The following DNAH5 variants were observed in gnomAD, a reference collection of about 807,000 sequenced individuals.
DNAH5 encodes dynein axonemal heavy chain 5.
A neutral mutation model predicts 518.2 loss-of-function variants in DNAH5; 372 were observed. The ratio of observed to expected loss-of-function variants is 0.72; its 90% CI spans 0.66 to 0.78. The LOEUF is 0.78. Ranked by LOEUF, DNAH5 falls within the 30% of genes least tolerant of loss-of-function variation. The pLI is 0.00. For synonymous variants in DNAH5, 2,039 were observed against 2,025.9 expected, an observed-to-expected ratio of 1.01 and a Z score of -0.17; for missense variants, 5,523 against 5,687.0, an observed-to-expected ratio of 0.97 and a Z score of 0.93.
chr5:13,810,839 A>T (rs1337916003), intron 44 of DNAH5, among the ~76,000 whole-genome samples: 1 of 152,172 alleles, frequency 6.6e-6, no homozygotes, highest in Non-Finnish European at 1.5e-5. Context: ...CTAAGTGTCC[A>T]TCAACAGATG....
rs1750538537 is a variant in DNAH5, at chr5:13,753,446, C to G, written c.10659G>C (p.Arg3553=). 6.2e-7 allele frequency: 1 copy of G among 1,614,034 alleles called. No homozygotes were observed. The highest frequency in any genetic ancestry group is 1.7e-5 in the Admixed American group (1 of 60,012). ...LNDWRKEMKA[R]KIPFGKNLNL... ...TTAGGTTCTTTCCAAATGGAATTTT[C>G]CGGGCTTTCATTTCCTTCCGCCAGT... is the stretch of plus-strand genomic sequence containing the variant. The change falls in exon 63 of 79, where the codon CGG becomes CGC. Residue 3553 remains arginine, a synonymous_variant. Coordinates refer to ENST00000265104, the MANE Select transcript of DNAH5 (RefSeq NM_001369.3).
At chr5:13,754,656 A>T (rs1279050264) in intron 61 of DNAH5, among the ~76,000 whole-genome samples, 1 of 151,966 alleles carries the variant, frequency 6.6e-6, no homozygotes, top group African/African-American at 2.4e-5. Flanking sequence ...CTCCTGCCTC[A>T]GCCTCCCAAG....
chr5:13,829,552 A>G lies in DNAH5; in HGVS notation c.6402T>C (p.Phe2134=), dbSNP rs1376548457. Residue 2134 remains phenylalanine, a synonymous_variant, in exon 38 of 79, where the codon TTT becomes TTC. Coordinates refer to ENST00000265104, the MANE Select transcript of DNAH5 (RefSeq NM_001369.3). ...FIDNVVLARK[F]FTLYKLCEEQ... ...CCTCACACAGTTTGTAGAGCGTGAA[A>G]AACTTCCTGGCCAAAACAACGTTGT... The G allele has an allele frequency of 6.2e-7, 1 of 1,614,160 alleles. No homozygotes were observed. The highest frequency in any genetic ancestry group is 1.3e-5 in the African/African-American group (1 of 75,036).
chr5:13,768,852 A>T, intron 58 of DNAH5, 108 bp downstream of exon 58: 1 of 1,245,248 alleles, frequency 8.0e-7, no homozygotes, highest in Non-Finnish European at 1.2e-6. Flanking sequence ...AAGTGGATAG[A>T]GCTTTCATCT....
At chr5:13,885,830 G>C (rs1339401166) in intron 18 of DNAH5, 134 bp downstream of exon 18, 4 of 860,488 alleles carry the variant, frequency 4.6e-6, no homozygotes, top group Non-Finnish European at 7.2e-6. Context: ...CATAATTTCA[G>C]ATTTATACAT....
chr5:13,967,186 T>C (rs746700630), intron 1 of DNAH5, among the ~76,000 whole-genome samples: 3 of 152,216 alleles, frequency 2.0e-5, no homozygotes, highest in African/African-American at 4.8e-5. Context: ...TTTAATTAAG[T>C]CCCATTTATT....
In DNAH5 at chr5:13,707,415, T is replaced by A. The variant is rs1742938365; in HGVS notation, c.13338+708A>T. ...CCCTCTGTCCTTGCGATAAAGAGGG[T>A]CTAATTGAGCTGATTAACGCGAGCC... On this transcript the variant is annotated intron_variant, in intron 76 of 78. Transcript: ENST00000265104. The surrounding 1 kb of genome is among the most constrained non-coding windows in gnomAD (Gnocchi z 4.0). Among the ~76,000 whole-genome samples, 1 of 151,904 alleles carries A rather than the reference T, an allele frequency of 6.6e-6. No homozygotes were observed. The highest frequency in any genetic ancestry group is 2.4e-5 in the African/African-American group (1 of 41,314).
At chr5:13,832,479 G>C (rs1393935164) in intron 35 of DNAH5, among the ~76,000 whole-genome samples, 2 of 152,228 alleles carry the variant, frequency 1.3e-5, no homozygotes, top group Non-Finnish European at 2.9e-5. Flanking sequence ...ACATGTGAGT[G>C]TATCTCCCTT....
At chr5:13,748,733 T>C (rs56385703) in intron 65 of DNAH5, among the ~76,000 whole-genome samples, 2,791 of 152,250 alleles carry the variant, frequency 0.018, 96 homozygotes, top group African/African-American at 0.063. Context: ...TGCTTTTGTA[T>C]CCTGAGACTT....
At chr5:13,894,127 C>T (rs1409436335) in intron 16 of DNAH5, among the ~76,000 whole-genome samples, 1 of 152,158 alleles carries the variant, frequency 6.6e-6, no homozygotes, top group Non-Finnish European at 1.5e-5. Flanking sequence ...TCCAACTGCT[C>T]CTCTTGGATT....
rs2151977668 is a variant in DNAH5 at position 13,911,403 on chromosome 5, G to A, written c.1627C>T (p.Gln543Ter). 3.7e-6 allele frequency: 6 copies of A among 1,613,546 alleles called. No individual in the cohort carries two copies. The highest frequency in any genetic ancestry group is 1.7e-5 in the Admixed American group (1 of 60,026). Reference protein sequence around the residue: ...FDQDYEEFCKQTNDLHNELRK... With the variant: ...FDQDYEEFCK ...CAACCTACATGAAGGTCATTAGTCT[G>A]CTTGCAAAACTCTTCGTAATCTTGG... Residue 543 changes from glutamine to a stop codon, truncating the protein, a stop_gained, in exon 12 of 79, where the codon CAG (glutamine) becomes TAG (stop). Coordinates refer to ENST00000265104, the MANE Select transcript of DNAH5 (RefSeq NM_001369.3). LOFTEE classifies it high-confidence loss of function.
intron 30 of DNAH5, among the ~76,000 whole-genome samples, chr5:13,852,661 G>A (rs115887330): frequency 0.01 from 1,525 of 152,266 alleles, 23 homozygotes; most frequent in African/African-American, 0.033. Flanking sequence ...GAAGTCGACC[G>A]GGAATGCTCC....
intron 30 of DNAH5, among the ~76,000 whole-genome samples, chr5:13,852,128 C>T (rs809467): frequency 5.3e-5 from 8 of 151,950 alleles, no homozygotes; most frequent in African/African-American, 1.5e-4. Flanking sequence ...GCACAAAATT[C>T]GGTGGCCGTT....
intron 1 of DNAH5, among the ~76,000 whole-genome samples, chr5:13,953,521 T>C (rs1040205951): frequency 1.3e-5 from 2 of 152,170 alleles, no homozygotes; most frequent in Non-Finnish European, 2.9e-5. Context: ...AAATTCCAAG[T>C]TGGGGACATA....
rs531654615 is a variant in DNAH5, at chr5:13,748,486, C to T, written c.11211+2592G>A. On this transcript the variant is annotated intron_variant, in intron 65 of 78. Transcript: ENST00000265104. The stretch of plus-strand genomic sequence containing the variant: ...ACTTTGGGCAGTATGGCCATTTTCA[C>T]GATATTGATTCTTCCTATCCATGAG... 3.5e-4 allele frequency among the ~76,000 whole-genome samples: 53 copies of T among 152,232 alleles called. 1 individual carries two copies. In the South Asian group the frequency reaches 4.4e-3, roughly 12 times the overall value.
chr5:13,821,642 C>A (rs146052246), intron 40 of DNAH5, among the ~76,000 whole-genome samples: 1 of 152,268 alleles, frequency 6.6e-6, no homozygotes, highest in African/African-American at 2.4e-5. Context: ...TATGCTTGAA[C>A]TCACAGTACG....
At position 13,751,274 on chromosome 5, in the gene DNAH5, A is replaced by G. The variant is rs766659745; in HGVS notation, c.11029-14T>C. 3.1e-6 allele frequency: 5 copies of G among 1,598,406 alleles called. No individual in the cohort carries two copies. The Admixed American group carries it at 6.8e-5, about 22-fold the overall frequency. On this transcript the variant is annotated splice_polypyrimidine_tract_variant and intron_variant, in intron 64 of 78. Coordinates refer to ENST00000265104, the MANE Select transcript of DNAH5 (RefSeq NM_001369.3). ...ACCAACTTTCACCTTTTTTATAAAA[A>G]GAAATTTAAAAGTAATAAAATAGAG... is the stretch of plus-strand genomic sequence containing the variant.
intron 25 of DNAH5, among the ~76,000 whole-genome samples, chr5:13,866,554 G>A (rs746184440): frequency 1.2e-4 from 18 of 152,182 alleles, no homozygotes; most frequent in Middle Eastern, 3.2e-3. Flanking sequence ...CAGGGAAAGA[G>A]GAGTCAATGC....
Position 13,920,637 on chromosome 5 carries a change from A to G in DNAH5, c.661-20T>C, listed in dbSNP as rs746003135. On this transcript the variant is annotated intron_variant, in intron 5 of 78. Coordinates refer to ENST00000265104, the MANE Select transcript of DNAH5 (RefSeq NM_001369.3). Reference sequence around the variant, plus strand: ...GTTCACCTAATTAGAATGAAAATTAAATAATCAGATGATGCTTTTGTAAAA... The same window carrying G: ...GTTCACCTAATTAGAATGAAAATTAGATAATCAGATGATGCTTTTGTAAAA... The G allele has an allele frequency of 3.7e-6, 6 of 1,613,830 alleles. No homozygotes were observed. The South Asian group carries it at 6.6e-5, about 18-fold the overall frequency.
Sources: allele counts gnomAD v4.1 joint callset (sites outside exome capture counted in the v4.1 genomes callset), GRCh38; gene constraint gnomAD v4.1.1; non-coding constraint Gnocchi (gnomAD v3.1); transcripts MANE v1.5; gene names NCBI Gene and HGNC (gene_info 2026-07-23, HGNC 2026-07-21).